The following KDM3B variants were observed in gnomAD, a reference collection of about 807,000 sequenced individuals.
The protein encoded by KDM3B is lysine demethylase 3B, also known as lysine-specific demethylase 3B.
In KDM3B, 10 loss-of-function variants were observed where a neutral mutation model predicts 170.0. The observed-to-expected ratio is 0.06, with a 90% CI of 0.04 to 0.10. The LOEUF (loss-of-function observed/expected upper bound fraction) is 0.10, where lower values mean the gene tolerates loss of function less well. Among genes scored for constraint, KDM3B ranks in the 10% least tolerant of loss-of-function variants. The pLI is 1.00. For missense variants in KDM3B, 1,394 were observed against 2,195.2 expected (o/e 0.64, Z 7.29); for synonymous variants, 831 against 834.8 (o/e 1.00, Z 0.08).
chr5:138,358,285 AT>A (rs1328821275), intron 1 of KDM3B, among the ~76,000 whole-genome samples: 5 of 137,242 alleles, frequency 3.6e-5, no homozygotes, highest in African/African-American at 1.1e-4. Context: ...CTCGGCGGGA[AT>A]TTTTTTTCTT....
In KDM3B at chr5:138,391,518, C is replaced by A. The variant is rs1394145363; in HGVS notation, c.1886C>A (p.Ser629Tyr). 1.2e-6 allele frequency: 2 copies of A among 1,613,948 alleles called. No individual in the cohort carries two copies. The highest frequency in any genetic ancestry group is 1.7e-6 in the Non-Finnish European group (2 of 1,180,050). ...ENLFLQPPKL[S>Y]REEPSNPFLA... ...CTATTTTTACAGCCCCCCAAATTGT[C>A]CCGAGAAGAGCCTTCTAATCCTTTC... Residue 629 changes from serine (S) to tyrosine (Y), a missense_variant, in exon 8 of 24, where the codon TCC (serine) becomes TAC (tyrosine). Transcript: ENST00000314358. The surrounding 1 kb of genome is among the most constrained non-coding windows in gnomAD (Gnocchi z 5.0).
In KDM3B at chr5:138,386,146, T is replaced by C; in HGVS notation, c.905T>C (p.Leu302Ser). The C allele has an allele frequency of 6.2e-7, 1 of 1,613,610 alleles. No individual in the cohort carries two copies. The highest frequency in any genetic ancestry group is 8.5e-7 in the Non-Finnish European group (1 of 1,179,942). The change falls in exon 7 of 24, where the codon TTA becomes TCA. Residue 302 changes from leucine to serine, a missense_variant. Leu to Ser is a moderately radical substitution (Grantham distance 145). Coordinates refer to ENST00000314358, the MANE Select transcript of KDM3B (RefSeq NM_016604.4). ...DSGCDPASKK[L>S]KGDRGEVDSN... ...GGGTGTGACCCTGCATCAAAGAAAT[T>C]AAAAGGAGACAGGGGTGAAGTAGAC...
intron 23 of KDM3B, among the ~76,000 whole-genome samples, chr5:138,435,061 C>A (rs1763638567): frequency 6.6e-6 from 1 of 152,170 alleles, no homozygotes; most frequent in Non-Finnish European, 1.5e-5. Context: ...TATGCCTGTT[C>A]ACTTTTTTCA....
At chr5:138,366,234 T>C (rs940924857) in intron 1 of KDM3B, among the ~76,000 whole-genome samples, 1 of 152,188 alleles carries the variant, frequency 6.6e-6, no homozygotes, top group African/African-American at 2.4e-5. Flanking sequence ...TGTATTTTAG[T>C]TATTCACCTA....
At chr5:138,427,471 G>T in intron 19 of KDM3B, 152 bp downstream of exon 19, 2 of 857,638 alleles carry the variant, frequency 2.3e-6, no homozygotes, top group Admixed American at 2.9e-5. Context: ...GAATATGTTT[G>T]CTTTTGTCAT....
chr5:138,386,228 C>G lies in KDM3B; in HGVS notation c.987C>G (p.Ala329=). The G allele has an allele frequency of 6.2e-7, 1 of 1,614,138 alleles. No individual in the cohort carries two copies. The highest frequency in any genetic ancestry group is 8.5e-7 in the Non-Finnish European group (1 of 1,180,022). Residue 329 remains alanine, a synonymous_variant, in exon 7 of 24, where the codon GCC becomes GCG. Coordinates refer to ENST00000314358, the MANE Select transcript of KDM3B (RefSeq NM_016604.4). ...ASRGPWKGGN[A]SGEPGLDQRA... ...GAGGGCCCTGGAAAGGAGGGAATGCCAGTGGAGAGCCAGGGCTGGATCAGA... is the reference window on the plus strand; with the variant it reads ...GAGGGCCCTGGAAAGGAGGGAATGCGAGTGGAGAGCCAGGGCTGGATCAGA...
intron 11 of KDM3B, among the ~76,000 whole-genome samples, chr5:138,409,979 C>T (rs546613731): frequency 2.0e-5 from 3 of 151,414 alleles, no homozygotes; most frequent in Admixed American, 1.3e-4. Flanking sequence ...CCCAGCTTCT[C>T]GGGAGGCTGA....
intron 5 of KDM3B, among the ~76,000 whole-genome samples, chr5:138,380,340 A>G (rs1305767926): frequency 2.7e-5 from 4 of 146,076 alleles, no homozygotes; most frequent in Admixed American, 1.4e-4. Context: ...TATATGATAT[A>G]TAATTTATAT....
In KDM3B at chr5:138,424,098, A is replaced by G. The variant is rs778082960; in HGVS notation, c.3996A>G (p.Leu1332=). ...SSAGVKSKAS[L]PNFLDHIIAS... ...AGGGAGTGAAGAGCAAGGCCAGCCT[A>G]CCCAACTTTCTTGACCACATCATTG... Residue 1332 remains leucine (L), a synonymous_variant, in exon 16 of 24, where the codon CTA becomes CTG. Transcript: ENST00000314358. The G allele has an allele frequency of 6.3e-6, 10 of 1,579,528 alleles. No individual in the cohort carries two copies. The highest frequency in any genetic ancestry group is 1.7e-4 in the Middle Eastern group (1 of 5,938).
intron 23 of KDM3B, among the ~76,000 whole-genome samples, chr5:138,434,561 A>G (rs1489533281): frequency 6.6e-6 from 1 of 151,998 alleles, no homozygotes; most frequent in Non-Finnish European, 1.5e-5. Context: ...AAAAAAAAAA[A>G]AAGACCTTTC....
rs374998430 is a variant in KDM3B at position 138,407,492 on chromosome 5, A to G, written c.3199+7480A>G. ...TCTCTCTTTTGCCTGTTAAACCTCC[A>G]CTCCTAAATTCCTCATGTGTGTCCG... On this transcript the variant is annotated intron_variant, in intron 11 of 23. Transcript: ENST00000314358. 2.6e-5 allele frequency among the ~76,000 whole-genome samples: 4 copies of G among 151,314 alleles called. No homozygotes were observed. The South Asian group carries it at 8.4e-4, about 32-fold the overall frequency.
At chr5:138,396,088 G>A (rs1033241048) in intron 9 of KDM3B, among the ~76,000 whole-genome samples, 1 of 151,704 alleles carries the variant, frequency 6.6e-6, no homozygotes, top group Non-Finnish European at 1.5e-5. Context: ...GGAACCTATG[G>A]CAATGAGTAT....
rs1384600939 is a variant in KDM3B at position 138,386,358 on chromosome 5, C to T, written c.1117C>T (p.Pro373Ser). Reference protein sequence around the residue: ...NGRTLVVQDEPVGGDTPASFT... With the variant: ...NGRTLVVQDESVGGDTPASFT... ...CAGGACTCTGGTGGTGCAGGATGAGCCTGTAGGTGGGGACACACCTGCATC... is the reference window on the plus strand; with the variant it reads ...CAGGACTCTGGTGGTGCAGGATGAGTCTGTAGGTGGGGACACACCTGCATC... Residue 373 changes from proline to serine, a missense_variant, in exon 7 of 24, where the codon CCT (proline) becomes TCT (serine). By Grantham distance (74) the Pro-to-Ser change is moderately conservative. Transcript: ENST00000314358. 3 of 1,614,178 alleles carry T rather than the reference C, an allele frequency of 1.9e-6. No homozygotes were observed. In the South Asian group the frequency reaches 3.3e-5, roughly 18 times the overall value.
chr5:138,383,376 A>T (rs544968292), intron 6 of KDM3B, among the ~76,000 whole-genome samples: 178 of 151,934 alleles, frequency 1.2e-3, no homozygotes, highest in African/African-American at 4.1e-3. Context: ...TGACCTCGTG[A>T]TCCGCCCACC....
At chr5:138,360,594 G>A (rs1331119878) in intron 1 of KDM3B, among the ~76,000 whole-genome samples, 1 of 123,636 alleles carries the variant, frequency 8.1e-6, no homozygotes, top group Non-Finnish European at 1.7e-5. Flanking sequence ...TTTTTTTTGA[G>A]ACGGAGTCTC....
intron 11 of KDM3B, among the ~76,000 whole-genome samples, chr5:138,407,419 G>A (rs565617809): frequency 8.5e-5 from 13 of 152,148 alleles, no homozygotes; most frequent in Admixed American, 3.3e-4. Flanking sequence ...CCTCTTGGAA[G>A]CCCCCTCTCT....
chr5:138,386,074 G>C lies in KDM3B; in HGVS notation c.833G>C (p.Ser278Thr). The change falls in exon 7 of 24, where the codon AGC becomes ACC. Residue 278 changes from serine (S) to threonine (T), a missense_variant. By Grantham distance (58) the Ser-to-Thr change is moderately conservative. Coordinates refer to ENST00000314358, the MANE Select transcript of KDM3B (RefSeq NM_016604.4). ...KSSKGKKKRE[S>T]IEGKDGRRRK... The stretch of plus-strand genomic sequence containing the variant: ...TCCAAAGGAAAGAAGAAGAGAGAAA[G>C]CATAGAGGGGAAAGATGGCCGGAGG... 1.2e-6 allele frequency: 2 copies of C among 1,614,076 alleles called. No homozygotes were observed. The highest frequency in any genetic ancestry group is 1.7e-6 in the Non-Finnish European group (2 of 1,179,988).
chr5:138,357,568 G>T (rs778956945), intron 1 of KDM3B, among the ~76,000 whole-genome samples: 1 of 151,904 alleles, frequency 6.6e-6, no homozygotes, highest in African/African-American at 2.4e-5. Flanking sequence ...TTGCCATGTT[G>T]CCCAGGCAGG....
chr5:138,382,698 C>T (rs1032421144), intron 6 of KDM3B, among the ~76,000 whole-genome samples: 9 of 151,796 alleles, frequency 5.9e-5, no homozygotes, highest in Non-Finnish European at 8.8e-5. Context: ...GGCAGGGTCT[C>T]GCTATCTTGC....
Sources: allele counts gnomAD v4.1 joint callset (sites outside exome capture counted in the v4.1 genomes callset), GRCh38; gene constraint gnomAD v4.1.1; non-coding constraint Gnocchi (gnomAD v3.1); transcripts MANE v1.5; gene names NCBI Gene and HGNC (gene_info 2026-07-23, HGNC 2026-07-21).